Variants in XPO4 observed in about 807,000 individuals in gnomAD.
XPO4 encodes exportin-4.
XPO4 carries 39 observed loss-of-function variants against 143.0 expected under a neutral mutation model. The observed-to-expected ratio is 0.27, with a 90% CI of 0.21 to 0.36. XPO4 has a LOEUF of 0.36. Among genes scored for constraint, XPO4 ranks in the 10% least tolerant of loss-of-function variants. The pLI is 1.00. For missense variants in XPO4, 907 were observed against 1,348.0 expected (o/e 0.67, Z 5.12); for synonymous variants, 439 against 474.0 (o/e 0.93, Z 0.96).
intron 3 of XPO4, among the ~76,000 whole-genome samples, chr13:20,861,287 T>C (rs1013529943): frequency 2.2e-5 from 3 of 136,704 alleles, no homozygotes; most frequent in Admixed American, 8.5e-5. Context: ...ATGTAGCTGA[T>C]AGTTTTCCTC....
chr13:20,813,214 C>G (rs1013165983), intron 9 of XPO4, among the ~76,000 whole-genome samples: 1 of 152,094 alleles, frequency 6.6e-6, no homozygotes, highest in Admixed American at 6.6e-5. Context: ...GCCCCTGGCA[C>G]GTGGGTATTA....
intron 3 of XPO4, among the ~76,000 whole-genome samples, chr13:20,860,163 T>C (rs1043073830): frequency 1.3e-5 from 2 of 152,200 alleles, no homozygotes; most frequent in African/African-American, 4.8e-5. Flanking sequence ...GTCCCTGATC[T>C]ACAGGTAAAA....
At chr13:20,825,516 C>T (rs919808384) in intron 7 of XPO4, among the ~76,000 whole-genome samples, 2 of 152,212 alleles carry the variant, frequency 1.3e-5, no homozygotes, top group African/African-American at 4.8e-5. Context: ...AAAGGGTTAA[C>T]TTTCAAATTC....
At chr13:20,883,080 AATTCTCCACT>A (rs758861445) in intron 1 of XPO4, among the ~76,000 whole-genome samples, 1 of 152,112 alleles carries the variant, frequency 6.6e-6, no homozygotes, top group Non-Finnish European at 1.5e-5. Context: ...AGCTCTCTCC[AATTCTCCACT>A]ATCCCGCCCT....
chr13:20,802,886 A>C (rs2059453631), intron 13 of XPO4, among the ~76,000 whole-genome samples: 2 of 152,210 alleles, frequency 1.3e-5, no homozygotes, highest in South Asian at 4.1e-4. Flanking sequence ...TGAGCAAAAC[A>C]ATATAAATTT....
At chr13:20,874,049 C>T (rs539283003) in intron 1 of XPO4, among the ~76,000 whole-genome samples, 50 of 152,250 alleles carry the variant, frequency 3.3e-4, no homozygotes, top group African/African-American at 1.1e-3. Context: ...AGTATCATAA[C>T]CAGAATTTGA....
intron 4 of XPO4, among the ~76,000 whole-genome samples, chr13:20,850,479 C>G (rs1361090140): frequency 6.6e-6 from 1 of 152,002 alleles, no homozygotes; most frequent in Non-Finnish European, 1.5e-5. Context: ...GGGAAATGGA[C>G]CATCAAAAAT....
intron 1 of XPO4, among the ~76,000 whole-genome samples, chr13:20,877,885 T>C (rs1381880314): frequency 2.0e-5 from 3 of 152,166 alleles, no homozygotes; most frequent in South Asian, 2.1e-4. Flanking sequence ...TTCTGACTCA[T>C]TGGCTAGATA....
At chr13:20,852,949 C>T (rs576972555) in intron 4 of XPO4, 4 of 985,238 alleles carry the variant, frequency 4.1e-6, no homozygotes, top group Non-Finnish European at 4.8e-6. Context: ...AATGCTTTTG[C>T]GGTCAATTGA....
At chr13:20,801,108 T>C (rs2059426775) in intron 13 of XPO4, 118 bp from the exon 14 acceptor site, 3 of 1,109,146 alleles carry the variant, frequency 2.7e-6, no homozygotes, top group South Asian at 2.9e-5. Flanking sequence ...GGTCAGGCTA[T>C]ACTTGAACAT....
chr13:20,853,929 A>G (rs2060115417), intron 4 of XPO4, among the ~76,000 whole-genome samples: 1 of 152,214 alleles, frequency 6.6e-6, no homozygotes, highest in Non-Finnish European at 1.5e-5. Flanking sequence ...TACTCTTGAA[A>G]TTTGCCACAA....
chr13:20,817,964 T>C (rs201732115), intron 9 of XPO4, among the ~76,000 whole-genome samples: 34,921 of 151,634 alleles, frequency 0.23, 5,629 homozygotes, highest in East Asian at 0.8. Context: ...CCTGGCTAAT[T>C]TTTGTATTTT....
chr13:20,851,752 A>G (rs1363278886), intron 4 of XPO4: 10 of 978,068 alleles, frequency 1.0e-5, no homozygotes, highest in Non-Finnish European at 1.2e-5. Flanking sequence ...AGAAAGAAAG[A>G]CAGAAATTTG....
At chr13:20,784,414 G>A (rs1001431128) in intron 22 of XPO4, among the ~76,000 whole-genome samples, 2 of 152,202 alleles carry the variant, frequency 1.3e-5, no homozygotes, top group South Asian at 2.1e-4. Flanking sequence ...TTGGGAGGAC[G>A]GGGCGGAGAA....
At chr13:20,883,469 G>C (rs1022642684) in intron 1 of XPO4, among the ~76,000 whole-genome samples, 1 of 152,128 alleles carries the variant, frequency 6.6e-6, no homozygotes, top group Non-Finnish European at 1.5e-5. Flanking sequence ...TATTTGTAAG[G>C]CATAACAGAC....
Position 20,801,001 on chromosome 13 carries a change from A to G in XPO4, c.1818-11T>C. 4.4e-6 allele frequency: 7 copies of G among 1,606,762 alleles called. No individual in the cohort carries two copies. The highest frequency in any genetic ancestry group is 1.3e-5 in the African/African-American group (1 of 74,578). On this transcript the variant is annotated splice_polypyrimidine_tract_variant and intron_variant, in intron 13 of 22. Transcript: ENST00000255305. ...ATGGCAGACAACAGCCTGTAGGTAT[A>G]AAACAGAAGTCATTTATTCTTTTAT...
intron 18 of XPO4, among the ~76,000 whole-genome samples, chr13:20,792,532 G>A (rs181483105): frequency 6.6e-6 from 1 of 152,028 alleles, no homozygotes; most frequent in Non-Finnish European, 1.5e-5. Flanking sequence ...TGGCGCCACC[G>A]CAGTCCAGCC....
chr13:20,867,356 C>T (rs949405990), intron 2 of XPO4, among the ~76,000 whole-genome samples: 10 of 152,164 alleles, frequency 6.6e-5, no homozygotes, highest in African/African-American at 2.2e-4. Flanking sequence ...ATTTTTAAAG[C>T]CGATTACATT....
At chr13:20,837,860 GC>G (rs754083885) in intron 6 of XPO4, among the ~76,000 whole-genome samples, 5 of 152,110 alleles carry the variant, frequency 3.3e-5, no homozygotes, top group Non-Finnish European at 7.3e-5. Context: ...GGAGGAAACT[GC>G]CCCCATGACT....
Sources: gnomAD v4.1 joint callset for allele counts (sites outside exome capture counted in the v4.1 genomes callset) on GRCh38, gnomAD v4.1.1 for gene constraint, MANE v1.5 for transcripts, NCBI Gene and HGNC (gene_info 2026-07-23, HGNC 2026-07-21) for gene names.